FCER2: variants seen among roughly 807,000 people sequenced by gnomAD.
The protein encoded by FCER2 is Fc epsilon receptor II.
FCER2 carries 38 observed loss-of-function variants against 49.7 expected under a neutral mutation model. The ratio of observed to expected loss-of-function variants is 0.76; its 90% confidence interval spans 0.59 to 1.00. FCER2 has a LOEUF of 1.00. FCER2 is among the 50% of genes least tolerant of loss of function. FCER2 has a pLI of 0.00. For synonymous variants in FCER2, 163 were observed against 164.6 expected (o/e 0.99, Z 0.07); for missense variants, 425 against 419.5 (o/e 1.01, Z -0.11).
At chr19:7,698,130 C>G (rs1045659940) in intron 4 of FCER2, among the ~76,000 whole-genome samples, 3 of 152,206 alleles carry the variant, frequency 2.0e-5, no homozygotes, top group Admixed American at 1.3e-4. Context: ...ACGTACTTTG[C>G]GCTTATGGGG....
intron 8 of FCER2, among the ~76,000 whole-genome samples, chr19:7,694,296 T>C (rs1371673085): frequency 6.6e-6 from 1 of 152,078 alleles, no homozygotes; most frequent in Non-Finnish European, 1.5e-5. Flanking sequence ...CCCCAGGAGT[T>C]TGAGGCCGTA....
chr19:7,701,101 C>T (rs1404545088), intron 1 of FCER2, among the ~76,000 whole-genome samples: 8 of 152,154 alleles, frequency 5.3e-5, no homozygotes, highest in Non-Finnish European at 8.8e-5. Context: ...TGAGCCACTG[C>T]GCCCGACCAA....
chr19:7,694,724 G>T (rs1474352855), intron 8 of FCER2, among the ~76,000 whole-genome samples: 1 of 152,102 alleles, frequency 6.6e-6, no homozygotes, highest in Non-Finnish European at 1.5e-5. Flanking sequence ...CCTCTTCTCT[G>T]CCCCAGTTAG....
intron 2 of FCER2, 163 bp downstream of exon 2, chr19:7,699,559 TCCTGGCTCTGTGCCAGG>T: frequency 8.1e-7 from 1 of 1,228,104 alleles, no homozygotes; most frequent in Admixed American, 2.5e-5. Context: ...TGCCACTCCT[TCCTGGCTCTGTGCCAGG>T]AAAGTCAGTC....
chr19:7,700,812 C>T (rs146313563), intron 1 of FCER2, among the ~76,000 whole-genome samples: 124 of 143,196 alleles, frequency 8.7e-4, no homozygotes, highest in African/African-American at 2.9e-3. Context: ...TGTGCATGGC[C>T]TATTTTTTTA....
In FCER2 at chr19:7,690,035, C is replaced by T. The variant is rs543658627; in HGVS notation, c.728+124G>A. 168 of 687,260 alleles carry T rather than the reference C, an allele frequency of 2.4e-4. 2 individuals carry two copies. Among genetic ancestry groups the T allele is most frequent in the South Asian group, 2.4e-3 (137 of 56,958 alleles). 42.6% of individuals were successfully genotyped at this position (687,260 alleles called of 1,614,324 possible). A position where few individuals can be genotyped will look rare whatever the true frequency, so the allele number is the denominator to read the frequency against. On this transcript the variant is annotated intron_variant, in intron 10 of 10. Transcript: ENST00000597921. ...CCCAGCCCCCACTGGCGTCCTTCTC[C>T]CCTGCACCCTAGAGACCCTTATCTC... is the stretch of plus-strand genomic sequence containing the variant.
chr19:7,701,374 G>A (rs937059203), intron 1 of FCER2, among the ~76,000 whole-genome samples: 5 of 152,110 alleles, frequency 3.3e-5, no homozygotes, highest in South Asian at 2.1e-4. Flanking sequence ...ACCTGAGTCC[G>A]AGTCCTGGCT....
At position 7,689,101 on chromosome 19, in the gene FCER2, A is replaced by T; in HGVS notation, c.*92T>A. The T allele has an allele frequency of 1.1e-6, 1 of 900,486 alleles. No individual in the cohort carries two copies. Among genetic ancestry groups the T allele is most frequent in the African/African-American group, 1.6e-5 (1 of 60,700 alleles). 55.8% of individuals were successfully genotyped at this position (900,486 alleles called of 1,614,324 possible). A position where few individuals can be genotyped will look rare whatever the true frequency, so the allele number is the denominator to read the frequency against. ...CAGCTGCCTCCGTTTGGGTGGCAGAAAATGTCACAGGGACCTTTCAGCCAC... is the reference window on the plus strand; with the variant it reads ...CAGCTGCCTCCGTTTGGGTGGCAGATAATGTCACAGGGACCTTTCAGCCAC... On this transcript the variant is annotated 3_prime_UTR_variant, in exon 11 of 11. Transcript: ENST00000597921.
At chr19:7,690,580 G>GGC (rs1167635058) in intron 8 of FCER2, 23 bp from the exon 9 acceptor site, 3 of 1,609,988 alleles carry the variant, frequency 1.9e-6, no homozygotes, top group African/African-American at 1.3e-5. Flanking sequence ...AGAGGCTCGG[G>GGC]GGTGGGGCCA....
chr19:7,694,979 TACACATCACC>T (rs1169736458), intron 8 of FCER2, among the ~76,000 whole-genome samples: 4 of 152,164 alleles, frequency 2.6e-5, no homozygotes, highest in African/African-American at 9.6e-5. Flanking sequence ...AGACTACAGG[TACACATCACC>T]ACATCTGGCT....
chr19:7,698,445 G>A (rs772453750), intron 3 of FCER2, 36 bp from the exon 4 acceptor site: 2 of 1,509,996 alleles, frequency 1.3e-6, no homozygotes, highest in Non-Finnish European at 1.8e-6. Context: ...GGAGAGGGGG[G>A]ATTGTCAGTG....
At chr19:7,699,476 C>T (rs910550022) in intron 2 of FCER2, 14 of 1,305,336 alleles carry the variant, frequency 1.1e-5, no homozygotes, top group African/African-American at 1.9e-5. Flanking sequence ...TAGCTGAAGC[C>T]GTTTTTTTTT....
chr19:7,698,831 G>A lies in FCER2; in HGVS notation c.46C>T (p.Arg16Trp), dbSNP rs72558006. 39 of 1,607,010 alleles carry A rather than the reference G, an allele frequency of 2.4e-5. No homozygotes were observed. The African/African-American group carries it at 2.7e-4, about 11-fold the overall frequency. The change falls in exon 3 of 11, where the codon CGG becomes TGG. Residue 16 changes from arginine (R) to tryptophan (W), a missense_variant. Coordinates refer to ENST00000597921, the MANE Select transcript of FCER2 (RefSeq NM_001220500.2). ...ATCTGAGTCCCACGCCTGCAACACC[G>A]CCTCCTGGGAAGCTCCTCGATCTCT... ...YSEIEELPRR[R>W]CCRRGTQIVL...
chr19:7,700,302 C>A (rs753651447), intron 1 of FCER2, among the ~76,000 whole-genome samples: 11 of 152,130 alleles, frequency 7.2e-5, no homozygotes, highest in Non-Finnish European at 1.2e-4. Context: ...GCACCCAACT[C>A]ATGAGGCCAA....
In FCER2 at chr19:7,698,330, C is replaced by T. The variant is rs765311465; in HGVS notation, c.190+26G>A. ...CTGGGCATCCTAACCCTCACCCCCA[C>T]CCCCTCCACCTTGACCCCTTCATAC... is the stretch of plus-strand genomic sequence containing the variant. On this transcript the variant is annotated intron_variant, in intron 4 of 10. Coordinates refer to ENST00000597921, the MANE Select transcript of FCER2 (RefSeq NM_001220500.2). The T allele has an allele frequency of 5.2e-6, 8 of 1,542,602 alleles. No homozygotes were observed. The African/African-American group carries it at 6.8e-5, about 13-fold the overall frequency.
rs746343109 is a variant in FCER2 at position 7,697,294 on chromosome 19, C to T, written c.258G>A (p.Thr86=). The T allele has an allele frequency of 1.2e-5, 19 of 1,613,998 alleles. No individual in the cohort carries two copies. The highest frequency in any genetic ancestry group is 9.9e-5 in the South Asian group (9 of 91,090). The change falls in exon 6 of 11, where the codon ACG becomes ACA. Residue 86 remains threonine (T), a synonymous_variant. Coordinates refer to ENST00000597921, the MANE Select transcript of FCER2 (RefSeq NM_001220500.2). ...GDQMAQKSQS[T]QISQELEELR... is the part of the protein sequence containing the mutation. ...GTTCCTCCAGTTCCTGTGAAATCTG[C>T]GTGGCTGTTTGCAGGGGAGGGGGCT...
chr19:7,691,764 TA>T (rs752818839), intron 8 of FCER2, among the ~76,000 whole-genome samples: 56 of 149,768 alleles, frequency 3.7e-4, no homozygotes, highest in Non-Finnish European at 7.7e-4. Context: ...CAACCACCAT[TA>T]CATCATCATA....
intron 10 of FCER2, 138 bp downstream of exon 10, chr19:7,690,021 C>G (rs756632952): frequency 4.7e-6 from 3 of 635,140 alleles, no homozygotes; most frequent in Non-Finnish European, 8.4e-6. Context: ...CCAGCCCCCA[C>G]TGGCGTCCTT....
intron 9 of FCER2, 63 bp downstream of exon 9, chr19:7,690,343 G>T: frequency 6.3e-7 from 1 of 1,599,496 alleles, no homozygotes; most frequent in Non-Finnish European, 8.5e-7. Context: ...GTTGGGTAGA[G>T]TGGGGTGGGG....
Sources: allele counts gnomAD v4.1 joint callset (sites outside exome capture counted in the v4.1 genomes callset), GRCh38; gene constraint gnomAD v4.1.1; transcripts MANE v1.5; gene names NCBI Gene and HGNC (gene_info 2026-07-23, HGNC 2026-07-21).